TBC1D15: variants seen among roughly 807,000 people sequenced by gnomAD.
The protein encoded by TBC1D15 is GAP for RAB7.
TBC1D15 carries 39 observed loss-of-function variants against 95.4 expected under a neutral mutation model. The observed-to-expected ratio is 0.41, with a 90% CI of 0.32 to 0.53. TBC1D15 has a LOEUF of 0.53. Among genes scored for constraint, TBC1D15 ranks in the 20% least tolerant of loss-of-function variants. The pLI, the probability that TBC1D15 is intolerant of heterozygous loss-of-function variation, is 0.29. For synonymous variants in TBC1D15, 258 were observed against 261.3 expected, an observed-to-expected ratio of 0.99 and a Z score of 0.12; for missense variants, 733 against 794.3, an observed-to-expected ratio of 0.92 and a Z score of 0.93.
At chr12:71,884,688 A>C in intron 4 of TBC1D15, 123 bp from the exon 5 acceptor site, 1 of 729,520 alleles carries the variant, frequency 1.4e-6, no homozygotes. Flanking sequence ...AAGCCATAAT[A>C]ATATAAGTGC....
At chr12:71,922,030 T>C (rs1326599968) in intron 16 of TBC1D15, among the ~76,000 whole-genome samples, 1 of 152,140 alleles carries the variant, frequency 6.6e-6, no homozygotes, top group African/African-American at 2.4e-5. Flanking sequence ...CCTCCTGCCT[T>C]AGTTTCCTGA....
chr12:71,890,989 T>A (rs956408207), intron 5 of TBC1D15, among the ~76,000 whole-genome samples: 1 of 152,160 alleles, frequency 6.6e-6, no homozygotes, highest in African/African-American at 2.4e-5. Flanking sequence ...AGCAGTAAAA[T>A]ATTCCCTTAA....
At chr12:71,877,525 TTC>T (rs1894183225) in intron 3 of TBC1D15, among the ~76,000 whole-genome samples, 1 of 135,646 alleles carries the variant, frequency 7.4e-6, no homozygotes, top group Non-Finnish European at 1.5e-5. Context: ...CCTTCCTTCC[TTC>T]CTTCCTTCCT....
intron 12 of TBC1D15, among the ~76,000 whole-genome samples, chr12:71,914,444 T>C (rs977675822): frequency 5.9e-5 from 9 of 152,068 alleles, no homozygotes; most frequent in Non-Finnish European, 1.3e-4. Flanking sequence ...AATTGAACTG[T>C]CTATATATAC....
intron 12 of TBC1D15, among the ~76,000 whole-genome samples, chr12:71,916,855 C>T (rs549992418): frequency 1.5e-4 from 23 of 152,160 alleles, no homozygotes; most frequent in African/African-American, 5.5e-4. Flanking sequence ...GACCTCAGGG[C>T]CCCTTCACAC....
intron 1 of TBC1D15, among the ~76,000 whole-genome samples, chr12:71,860,448 C>T (rs575707562): frequency 1.9e-4 from 29 of 152,196 alleles, no homozygotes; most frequent in African/African-American, 6.7e-4. Context: ...TATTCTTGTA[C>T]AGATCTTTCA....
chr12:71,860,445 GTA>G (rs1333769441), intron 1 of TBC1D15, among the ~76,000 whole-genome samples: 1 of 151,964 alleles, frequency 6.6e-6, no homozygotes, highest in Non-Finnish European at 1.5e-5. Flanking sequence ...AGTTATTCTT[GTA>G]CAGATCTTTC....
intron 10 of TBC1D15, among the ~76,000 whole-genome samples, chr12:71,899,950 C>T (rs1052106043): frequency 6.6e-6 from 1 of 151,910 alleles, no homozygotes; most frequent in Non-Finnish European, 1.5e-5. Flanking sequence ...CAGAGCGAGA[C>T]CCCTTCTCAA....
At chr12:71,846,665 G>A (rs1218943380) in intron 1 of TBC1D15, among the ~76,000 whole-genome samples, 3 of 151,164 alleles carry the variant, frequency 2.0e-5, no homozygotes, top group African/African-American at 7.3e-5. Flanking sequence ...TTTTTAGTGA[G>A]AATGTCCTCA....
chr12:71,851,003 A>G (rs1364906198), intron 1 of TBC1D15, among the ~76,000 whole-genome samples: 1 of 151,542 alleles, frequency 6.6e-6, no homozygotes, highest in East Asian at 1.9e-4. Context: ...AAAAAAAAAA[A>G]AAAAAGAAAG....
At chr12:71,898,894 T>C (rs1051379759) in intron 10 of TBC1D15, among the ~76,000 whole-genome samples, 1 of 152,186 alleles carries the variant, frequency 6.6e-6, no homozygotes, top group Non-Finnish European at 1.5e-5. Context: ...CAAAAAGAAT[T>C]TATTTTTCTG....
intron 5 of TBC1D15, among the ~76,000 whole-genome samples, chr12:71,885,222 T>TA (rs1386408114): frequency 6.6e-6 from 1 of 152,230 alleles, no homozygotes; most frequent in Non-Finnish European, 1.5e-5. Context: ...ATCTGAGACT[T>TA]ACCACCTAAT....
chr12:71,870,479 G>A (rs1247530290), intron 1 of TBC1D15, among the ~76,000 whole-genome samples: 1 of 152,104 alleles, frequency 6.6e-6, no homozygotes, highest in African/African-American at 2.4e-5. Flanking sequence ...TTAGGTTTTT[G>A]AAATCAAAAC....
At chr12:71,859,604 T>A (rs769610607) in intron 1 of TBC1D15, among the ~76,000 whole-genome samples, 7 of 148,900 alleles carry the variant, frequency 4.7e-5, no homozygotes, top group Non-Finnish European at 8.8e-5. Flanking sequence ...ACATTTAAGC[T>A]TCAATCCTTT....
intron 6 of TBC1D15, 123 bp from the exon 7 acceptor site, chr12:71,894,563 G>C: frequency 9.1e-7 from 1 of 1,095,648 alleles, no homozygotes; most frequent in Admixed American, 2.7e-5. Context: ...GATAATCTTA[G>C]AACACTCTGT....
chr12:71,839,943 G>A, intron 1 of TBC1D15, 132 bp downstream of exon 1: 1 of 1,146,978 alleles, frequency 8.7e-7, no homozygotes. Flanking sequence ...TGTAGGAGAA[G>A]ACTGGGTGGT....
chr12:71,907,309 G>T, intron 11 of TBC1D15, 171 bp downstream of exon 11: 1 of 420,450 alleles, frequency 2.4e-6, no homozygotes, highest in Non-Finnish European at 4.2e-6. Flanking sequence ...AAGGAGCCCT[G>T]GGTTGCTGCA....
At chr12:71,880,886 A>G (rs1324960722) in intron 4 of TBC1D15, among the ~76,000 whole-genome samples, 1 of 152,322 alleles carries the variant, frequency 6.6e-6, no homozygotes, top group East Asian at 1.9e-4. Context: ...CTTCATGCAC[A>G]TTTTTCTTAA....
intron 12 of TBC1D15, 79 bp from the exon 13 acceptor site, chr12:71,917,619 A>G (rs777726679): frequency 3.1e-6 from 3 of 954,456 alleles, no homozygotes; most frequent in African/African-American, 3.3e-5. Flanking sequence ...GTCCTTAGAC[A>G]TCATGTTTTA....
Sources: gnomAD v4.1 joint callset for allele counts (sites outside exome capture counted in the v4.1 genomes callset) on GRCh38, gnomAD v4.1.1 for gene constraint, MANE v1.5 for transcripts, NCBI Gene and HGNC (gene_info 2026-07-23, HGNC 2026-07-21) for gene names.